GDA: variants seen among roughly 807,000 people sequenced by gnomAD.
GDA encodes the protein cytoplasmic PSD-95 interactor.
In GDA, 18 loss-of-function variants were observed where a neutral mutation model predicts 59.6. That is an observed-to-expected ratio of 0.30 (90% CI 0.21 to 0.45). GDA has a LOEUF of 0.45. Among genes scored for constraint, GDA ranks in the 20% least tolerant of loss-of-function variants. GDA has a pLI of 1.00. For synonymous variants in GDA, 201 were observed against 201.1 expected (o/e 1.00, Z 0.00); for missense variants, 427 against 552.3 (o/e 0.77, Z 2.27).
At chr9:72,165,924 C>T (rs865820212) in intron 1 of GDA, among the ~76,000 whole-genome samples, 7 of 151,372 alleles carry the variant, frequency 4.6e-5, no homozygotes, top group South Asian at 4.2e-4. Context: ...ACAAAAAATG[C>T]GGCTTGTTCC....
chr9:72,234,033 TCAG>T (rs998179522), intron 10 of GDA, among the ~76,000 whole-genome samples: 50 of 152,264 alleles, frequency 3.3e-4, no homozygotes, highest in African/African-American at 1.2e-3. Flanking sequence ...CAAACATCTA[TCAG>T]CAGGAGGATG....
At chr9:72,160,851 C>G (rs1441650425) in intron 1 of GDA, among the ~76,000 whole-genome samples, 1 of 152,172 alleles carries the variant, frequency 6.6e-6, no homozygotes, top group Non-Finnish European at 1.5e-5. Context: ...GCTCCTTTTT[C>G]ACCTTCCATT....
At chr9:72,159,852 A>G (rs1014883963) in intron 1 of GDA, among the ~76,000 whole-genome samples, 7 of 152,210 alleles carry the variant, frequency 4.6e-5, no homozygotes, top group South Asian at 4.1e-4. Flanking sequence ...TTTAAAACCA[A>G]TTTATTTTAT....
intron 3 of GDA, among the ~76,000 whole-genome samples, chr9:72,206,902 A>G (rs1486774400): frequency 6.6e-6 from 1 of 152,094 alleles, no homozygotes; most frequent in Non-Finnish European, 1.5e-5. Flanking sequence ...GGTGAGTGAT[A>G]AACATTCTAA....
intron 1 of GDA, among the ~76,000 whole-genome samples, chr9:72,120,788 C>T (rs1483922650): frequency 6.6e-6 from 1 of 152,182 alleles, no homozygotes; most frequent in African/African-American, 2.4e-5. Context: ...CTTCCACCAC[C>T]TACCCTTTAA....
Position 72,250,316 on chromosome 9 carries a change from T to C in GDA, c.*1974T>C. ...TTTACCTTCTTTAAGGGTGTACATT[T>C]TGATGTTGAACATCAGTTTTCATGT... is the stretch of plus-strand genomic sequence containing the variant. On this transcript the variant is annotated 3_prime_UTR_variant, in exon 14 of 14. Coordinates refer to ENST00000358399, the MANE Select transcript of GDA (RefSeq NM_004293.5). The C allele has an allele frequency of 9.7e-7, 1 of 1,031,794 alleles. No homozygotes were observed. Among genetic ancestry groups the C allele is most frequent in the South Asian group, 3.6e-5 (1 of 27,438 alleles). The allele number at this position is 1,031,794 out of a possible 1,614,324, so 63.9% of individuals were successfully genotyped here.
intron 1 of GDA, among the ~76,000 whole-genome samples, chr9:72,176,041 T>C (rs1830508654): frequency 6.6e-6 from 1 of 152,162 alleles, no homozygotes; most frequent in African/African-American, 2.4e-5. Flanking sequence ...CATCCAGGAA[T>C]CTGTGAGCAG....
intron 3 of GDA, among the ~76,000 whole-genome samples, chr9:72,210,432 G>T (rs961263680): frequency 2.0e-5 from 3 of 152,108 alleles, no homozygotes; most frequent in African/African-American, 7.2e-5. Context: ...GAATTCATTA[G>T]TATCACATTT....
chr9:72,134,726 G>A (rs1826155987), intron 1 of GDA, among the ~76,000 whole-genome samples: 1 of 152,116 alleles, frequency 6.6e-6, no homozygotes, highest in African/African-American at 2.4e-5. Flanking sequence ...TTATGGTGTT[G>A]TAAGCCTGCA....
At chr9:72,225,902 TA>T (rs1047619163) in intron 8 of GDA, 118 bp downstream of exon 8, 19 of 557,562 alleles carry the variant, frequency 3.4e-5, no homozygotes, top group African/African-American at 3.3e-4. Context: ...AAATTTTTTT[TA>T]AAGTTTTAAT....
chr9:72,157,479 A>G (rs1486074844), intron 1 of GDA, among the ~76,000 whole-genome samples: 1 of 152,114 alleles, frequency 6.6e-6, no homozygotes, highest in Non-Finnish European at 1.5e-5. Context: ...AAGAATAACT[A>G]CCTTCTCCTT....
At chr9:72,135,377 A>G (rs1826183756) in intron 1 of GDA, among the ~76,000 whole-genome samples, 1 of 152,202 alleles carries the variant, frequency 6.6e-6, no homozygotes, top group African/African-American at 2.4e-5. Context: ...TAATTCTAAC[A>G]GTGAAATAAA....
At chr9:72,238,552 T>C (rs890554587) in intron 10 of GDA, among the ~76,000 whole-genome samples, 1 of 152,342 alleles carries the variant, frequency 6.6e-6, no homozygotes, top group South Asian at 2.1e-4. Context: ...AGTAAATGAT[T>C]GCTGAATAAG....
At chr9:72,150,591 A>T (rs1027919552) in intron 1 of GDA, among the ~76,000 whole-genome samples, 2 of 152,180 alleles carry the variant, frequency 1.3e-5, no homozygotes, top group Non-Finnish European at 2.9e-5. Context: ...TGATAAAATA[A>T]ATATGGAGAT....
At chr9:72,149,722 A>T in intron 1 of GDA, 40 bp downstream of exon 1, 3 of 1,558,796 alleles carry the variant, frequency 1.9e-6, no homozygotes, top group Non-Finnish European at 2.6e-6. Flanking sequence ...GACGGGCGGG[A>T]GGATAGGTGC....
upstream of GDA, among the ~76,000 whole-genome samples, chr9:72,145,054 A>G (rs944856216): frequency 2.0e-5 from 3 of 152,144 alleles, no homozygotes; most frequent in Non-Finnish European, 4.4e-5. Context: ...AAGAGAGGAA[A>G]AGTGGCCTCT....
At chr9:72,172,654 G>C (rs1830094799) in intron 1 of GDA, among the ~76,000 whole-genome samples, 2 of 152,166 alleles carry the variant, frequency 1.3e-5, no homozygotes, top group African/African-American at 4.8e-5. Context: ...CCTGGATGTG[G>C]CCTGTGCAAG....
At chr9:72,181,167 T>C (rs973481966) in intron 1 of GDA, among the ~76,000 whole-genome samples, 1 of 152,172 alleles carries the variant, frequency 6.6e-6, no homozygotes, top group African/African-American at 2.4e-5. Flanking sequence ...AATTAACTCA[T>C]TGGGTAAAGA....
intron 1 of GDA, among the ~76,000 whole-genome samples, chr9:72,152,982 G>A (rs1255269457): frequency 2.0e-5 from 3 of 152,108 alleles, no homozygotes; most frequent in African/African-American, 4.8e-5. Context: ...GTGTAAGGAA[G>A]GGATCCAGTT....
Sources: allele counts gnomAD v4.1 joint callset (sites outside exome capture counted in the v4.1 genomes callset), GRCh38; gene constraint gnomAD v4.1.1; transcripts MANE v1.5; gene names NCBI Gene and HGNC (gene_info 2026-07-23, HGNC 2026-07-21).